Variants in HS3ST2 observed in about 807,000 individuals in gnomAD.
HS3ST2 encodes heparan sulfate glucosamine 3-O-sulfotransferase 2.
Under a neutral mutation model 26.3 loss-of-function variants are expected in HS3ST2, and 17 were observed. That is an observed-to-expected ratio of 0.65 (90% CI 0.44 to 0.97). The LOEUF (loss-of-function observed/expected upper bound fraction) is 0.97, where lower values mean the gene tolerates loss of function less well. Ranked by LOEUF, HS3ST2 falls within the 50% of genes least tolerant of loss-of-function variation. The pLI, the probability that HS3ST2 is intolerant of heterozygous loss-of-function variation, is 0.00. For missense variants in HS3ST2, 402 were observed against 501.2 expected (o/e 0.80, Z 1.89); for synonymous variants, 237 against 219.2 (o/e 1.08, Z -0.72).
intron 1 of HS3ST2, among the ~76,000 whole-genome samples, chr16:22,911,447 A>G (rs1039492797): frequency 6.6e-6 from 1 of 152,234 alleles, no homozygotes; most frequent in Non-Finnish European, 1.5e-5. Context: ...TGTGGCTACC[A>G]TAACAAATTA....
chr16:22,814,865 T>G lies in HS3ST2; in HGVS notation c.255T>G (p.Ala85=). The G allele has an allele frequency of 1.3e-6, 2 of 1,559,524 alleles. No homozygotes were observed. Among genetic ancestry groups the G allele is most frequent in the Non-Finnish European group, 1.7e-6 (2 of 1,152,878 alleles). Residue 85 remains alanine, a synonymous_variant, in exon 1 of 2, where the codon GCT becomes GCG. Coordinates refer to ENST00000261374, the MANE Select transcript of HS3ST2 (RefSeq NM_006043.2). Reference sequence around the variant, plus strand: ...GGCCGACGCCCAGCGAGCCCAGCGCTCCCAGCGCGCCCGCCGCCGCCGTGC... The same window carrying G: ...GGCCGACGCCCAGCGAGCCCAGCGCGCCCAGCGCGCCCGCCGCCGCCGTGC... ...PSGPTPSEPS[A]PSAPAAAVPA...
At chr16:22,854,144 A>G (rs1596615136) in intron 1 of HS3ST2, among the ~76,000 whole-genome samples, 1 of 152,158 alleles carries the variant, frequency 6.6e-6, no homozygotes, top group African/African-American at 2.4e-5. Flanking sequence ...GGGAATGGCA[A>G]CTTGGTTGTG....
At chr16:22,912,995 C>T (rs537372220) in intron 1 of HS3ST2, among the ~76,000 whole-genome samples, 1 of 152,176 alleles carries the variant, frequency 6.6e-6, no homozygotes, top group African/African-American at 2.4e-5. Flanking sequence ...CTCAACTCTG[C>T]CTTCCCATTA....
intron 1 of HS3ST2, among the ~76,000 whole-genome samples, chr16:22,817,840 G>A (rs1313597007): frequency 6.6e-6 from 1 of 152,144 alleles, no homozygotes; most frequent in East Asian, 1.9e-4. Flanking sequence ...TCAGGAGGCT[G>A]AAATCCAGAT....
intron 1 of HS3ST2, among the ~76,000 whole-genome samples, chr16:22,873,537 T>C (rs1354469992): frequency 6.6e-6 from 1 of 152,210 alleles, no homozygotes; most frequent in Non-Finnish European, 1.5e-5. Context: ...TTTGAATATA[T>C]AGTCACTGTC....
Position 22,885,372 on chromosome 16 carries a change from T to G in HS3ST2, c.486-29572T>G, listed in dbSNP as rs562108204. Among the ~76,000 whole-genome samples, 10 of 152,216 alleles carry G rather than the reference T, an allele frequency of 6.6e-5. No homozygotes were observed. The South Asian group carries it at 2.1e-3, about 32-fold the overall frequency. On this transcript the variant is annotated intron_variant, in intron 1 of 1. Coordinates refer to ENST00000261374, the MANE Select transcript of HS3ST2 (RefSeq NM_006043.2). ...AAGAACAGAATTTTGAACTTGGGGC[T>G]ATTGCTCTTAAATCTCACTCTCTGC...
chr16:22,877,987 T>G (rs565930734), intron 1 of HS3ST2, among the ~76,000 whole-genome samples: 11 of 152,122 alleles, frequency 7.2e-5, no homozygotes, highest in Non-Finnish European at 1.2e-4. Flanking sequence ...CACAAGACAA[T>G]GCTGGGAAGC....
At chr16:22,912,321 C>G (rs937256342) in intron 1 of HS3ST2, among the ~76,000 whole-genome samples, 6 of 152,156 alleles carry the variant, frequency 3.9e-5, no homozygotes, top group African/African-American at 1.4e-4. Flanking sequence ...AATGGAAATA[C>G]TTGGAGTGTC....
At chr16:22,881,653 T>C (rs867850164) in intron 1 of HS3ST2, among the ~76,000 whole-genome samples, 2 of 152,040 alleles carry the variant, frequency 1.3e-5, no homozygotes, top group South Asian at 4.2e-4. Context: ...CTCAGCAAGG[T>C]GAGGGCAGGA....
intron 1 of HS3ST2, among the ~76,000 whole-genome samples, chr16:22,826,950 A>G (rs1901095399): frequency 6.6e-6 from 1 of 152,240 alleles, no homozygotes; most frequent in African/African-American, 2.4e-5. Flanking sequence ...AGTAAGTCAA[A>G]CATATCTATG....
chr16:22,816,272 G>A (rs1300617542), intron 1 of HS3ST2, among the ~76,000 whole-genome samples: 1 of 152,214 alleles, frequency 6.6e-6, no homozygotes, highest in Non-Finnish European at 1.5e-5. Context: ...CATGGTAGCT[G>A]ACAGAGTAGC....
intron 1 of HS3ST2, among the ~76,000 whole-genome samples, chr16:22,908,135 A>T (rs1902378823): frequency 1.3e-5 from 2 of 152,162 alleles, no homozygotes; most frequent in African/African-American, 4.8e-5. Flanking sequence ...TGAAACAAAC[A>T]AACACAAACC....
At chr16:22,882,597 G>A (rs1902003400) in intron 1 of HS3ST2, among the ~76,000 whole-genome samples, 1 of 152,134 alleles carries the variant, frequency 6.6e-6, no homozygotes, top group African/African-American at 2.4e-5. Context: ...AGCCGGGCAT[G>A]GTGGCATGCG....
At chr16:22,825,357 A>G (rs759379452) in intron 1 of HS3ST2, among the ~76,000 whole-genome samples, 2 of 152,240 alleles carry the variant, frequency 1.3e-5, no homozygotes, top group African/African-American at 4.8e-5. Flanking sequence ...TTTCTTCATC[A>G]TACCTTTATT....
chr16:22,858,175 A>G (rs1901625706), intron 1 of HS3ST2, among the ~76,000 whole-genome samples: 1 of 152,094 alleles, frequency 6.6e-6, no homozygotes, highest in South Asian at 2.1e-4. Context: ...TTGTACATTA[A>G]AAAATAACGA....
chr16:22,909,842 C>A (rs1215465532), intron 1 of HS3ST2, among the ~76,000 whole-genome samples: 1 of 151,962 alleles, frequency 6.6e-6, no homozygotes, highest in East Asian at 1.9e-4. Flanking sequence ...GAGTTCGAGA[C>A]CAGCCTGACC....
chr16:22,884,951 A>C (rs1902040771), intron 1 of HS3ST2, among the ~76,000 whole-genome samples: 1 of 149,978 alleles, frequency 6.7e-6, no homozygotes, highest in Non-Finnish European at 1.5e-5. Flanking sequence ...AGCGATTCTC[A>C]TGCCTCTGCC....
intron 1 of HS3ST2, among the ~76,000 whole-genome samples, chr16:22,837,541 ATATGTATATATATG>A (rs1901281672): frequency 1.4e-5 from 2 of 140,704 alleles, no homozygotes; most frequent in Non-Finnish European, 3.0e-5. Context: ...ATACACAGAT[ATATGTATATATATG>A]TATATATATA....
chr16:22,862,275 CTTT>C (rs397855284), intron 1 of HS3ST2, among the ~76,000 whole-genome samples: 31 of 123,218 alleles, frequency 2.5e-4, no homozygotes, highest in African/African-American at 6.4e-4. Flanking sequence ...TTCTCCTCAG[CTTT>C]TTTTTTTTTT....
Sources: gnomAD v4.1 joint callset for allele counts (sites outside exome capture counted in the v4.1 genomes callset) on GRCh38, gnomAD v4.1.1 for gene constraint, MANE v1.5 for transcripts, NCBI Gene and HGNC (gene_info 2026-07-23, HGNC 2026-07-21) for gene names.